Variants in TM7SF3 observed in about 807,000 individuals in gnomAD.
TM7SF3 encodes the protein transmembrane 7 superfamily member 3.
TM7SF3 carries 60 observed loss-of-function variants against 65.5 expected under a neutral mutation model. The ratio of observed to expected loss-of-function variants is 0.92; its 90% CI spans 0.74 to 1.14. TM7SF3 has a LOEUF of 1.14. TM7SF3 is among the 50% of genes most tolerant of loss of function. The probability of loss-of-function intolerance (pLI) is 0.00; values close to 1 mark genes in which losing one functional copy is unlikely to be tolerated. For missense variants in TM7SF3, 623 were observed against 684.8 expected, an observed-to-expected ratio of 0.91 and a Z score of 1.01; for synonymous variants, 264 against 259.6, an observed-to-expected ratio of 1.02 and a Z score of -0.16.
At chr12:26,990,394 A>G in intron 6 of TM7SF3, 56 bp downstream of exon 6, 1 of 1,331,996 alleles carries the variant, frequency 7.5e-7, no homozygotes, top group Non-Finnish European at 1.1e-6. Flanking sequence ...ACTAGACAAA[A>G]GCATTATCTG....
intron 1 of TM7SF3, among the ~76,000 whole-genome samples, chr12:27,004,219 C>G (rs1227800019): frequency 6.6e-6 from 1 of 152,108 alleles, no homozygotes; most frequent in African/African-American, 2.4e-5. Context: ...TTCAATCTAA[C>G]TCTCAAATAA....
rs772440936 is a variant in TM7SF3 at position 26,979,889 on chromosome 12, A to T, written c.1084T>A (p.Leu362Met). 41 of 1,614,082 alleles carry T rather than the reference A, an allele frequency of 2.5e-5. 1 individual carries two copies. In the South Asian group the frequency reaches 4.3e-4, roughly 17 times the overall value. The change falls in exon 9 of 12, where the codon TTG (leucine) becomes ATG (methionine). Residue 362 changes from leucine to methionine, a missense_variant. Physicochemically the swap from Leu to Met is conservative, Grantham distance 15. Coordinates refer to ENST00000343028, the MANE Select transcript of TM7SF3 (RefSeq NM_016551.3). ...CCAAATCGCCACCACACAGCTACCA[A>T]GAACATTCCACCGACGCTTCCAGTG... is the stretch of plus-strand genomic sequence containing the variant. ...AVTGSVGGMF[L>M]VAVWWRFGIL...
chr12:27,008,428 T>G (rs753239323), intron 1 of TM7SF3, among the ~76,000 whole-genome samples: 1 of 152,192 alleles, frequency 6.6e-6, no homozygotes, highest in Non-Finnish European at 1.5e-5. Context: ...ATCATAGATA[T>G]GAGTATTCTG....
chr12:26,978,266 A>T (rs1939658594), intron 9 of TM7SF3: 1 of 181,326 alleles, frequency 5.5e-6, no homozygotes, highest in African/African-American at 2.4e-5. Flanking sequence ...ACTGCTCTAG[A>T]CTACTTTATA....
intron 10 of TM7SF3, 73 bp from the exon 11 acceptor site, chr12:26,975,731 C>CA: frequency 7.0e-7 from 1 of 1,437,740 alleles, no homozygotes; most frequent in Non-Finnish European, 9.5e-7. Context: ...CCACTGGCTT[C>CA]AATCACAGGC....
At chr12:26,980,154 G>C (rs1939753848) in intron 8 of TM7SF3, 1 of 595,134 alleles carries the variant, frequency 1.7e-6, no homozygotes, top group South Asian at 2.1e-5. Context: ...ACCTCACAGG[G>C]CCAGTGACAG....
chr12:27,013,155 T>TA (rs1268775153), intron 1 of TM7SF3: 1 of 170,106 alleles, frequency 5.9e-6, no homozygotes, highest in African/African-American at 2.4e-5. Context: ...TACTCTCTAT[T>TA]AAATTGTTAT....
intron 6 of TM7SF3, among the ~76,000 whole-genome samples, chr12:26,983,235 G>C (rs1212525351): frequency 1.3e-5 from 2 of 150,198 alleles, no homozygotes; most frequent in African/African-American, 4.9e-5. Flanking sequence ...GGGAGTGGGG[G>C]GGAGGTGGTG....
At chr12:27,010,858 G>A (rs761872521) in intron 1 of TM7SF3, among the ~76,000 whole-genome samples, 4 of 152,066 alleles carry the variant, frequency 2.6e-5, no homozygotes, top group Non-Finnish European at 5.9e-5. Flanking sequence ...ACTTTAAAAA[G>A]AGCTGCCCAA....
chr12:26,996,769 A>T lies in TM7SF3; in HGVS notation c.491T>A (p.Phe164Tyr). 1 of 1,613,484 alleles carries T rather than the reference A, an allele frequency of 6.2e-7. No individual in the cohort carries two copies. Among genetic ancestry groups the T allele is most frequent in the Non-Finnish European group, 8.5e-7 (1 of 1,179,816 alleles). ...CGCATAGCCTAGGTTTGCTGGGGCA[A>T]ACTTGATAGTCGTTTCAAAGAAATT... ...EYNFFETTIK[F>Y]APANLGYARG... is the part of the protein sequence containing the mutation. Residue 164 changes from phenylalanine to tyrosine, a missense_variant, in exon 4 of 12, where the codon TTT (phenylalanine) becomes TAT (tyrosine). Phe to Tyr is a conservative substitution (Grantham distance 22). Coordinates refer to ENST00000343028, the MANE Select transcript of TM7SF3 (RefSeq NM_016551.3).
At position 26,973,349 on chromosome 12, in the gene TM7SF3, T is replaced by G. The variant is rs1175988145; in HGVS notation, c.*616A>C. ...CCACCATGCCTGGCTAATTTTTTAA[T>G]TTTTTTGTAGAGATGGGGTCTTGTC... On this transcript the variant is annotated 3_prime_UTR_variant, in exon 12 of 12. Coordinates refer to ENST00000343028, the MANE Select transcript of TM7SF3 (RefSeq NM_016551.3). 2 of 152,100 alleles carry G rather than the reference T, an allele frequency of 1.3e-5. No homozygotes were observed. The highest frequency in any genetic ancestry group is 4.8e-5 in the African/African-American group (2 of 41,382). 9.4% of individuals were successfully genotyped at this position (152,100 alleles called of 1,614,324 possible).
At chr12:26,999,418 T>C (rs1940738426) in intron 3 of TM7SF3, 108 bp downstream of exon 3, 3 of 1,224,326 alleles carry the variant, frequency 2.5e-6, no homozygotes, top group Non-Finnish European at 3.4e-6. Context: ...TCCGATTATA[T>C]AAATTATACT....
chr12:26,989,566 T>C (rs1940253071), intron 6 of TM7SF3, among the ~76,000 whole-genome samples: 1 of 152,140 alleles, frequency 6.6e-6, no homozygotes, highest in Admixed American at 6.6e-5. Context: ...GCAAATAGCC[T>C]AATACATTAA....
chr12:27,012,282 G>T (rs1383393394), intron 1 of TM7SF3, among the ~76,000 whole-genome samples: 1 of 152,028 alleles, frequency 6.6e-6, no homozygotes, highest in Non-Finnish European at 1.5e-5. Context: ...GGGTGGTGGG[G>T]ATTAAATAAC....
Position 27,014,233 on chromosome 12 carries a change from C to A in TM7SF3, c.-65G>T, listed in dbSNP as rs577039852. 3,692 of 1,484,126 alleles carry A rather than the reference C, an allele frequency of 2.5e-3. 21 individuals are homozygous for A. Among genetic ancestry groups the A allele is most frequent in the South Asian group, 0.012 (957 of 80,914 alleles). The allele number at this position is 1,484,126 out of a possible 1,614,324, so 91.9% of individuals were successfully genotyped here. ...AGAGGTGCGGGCGTGCGCGCCGGGG[C>A]CCCGCAGCCTCGCCCACGCTATCCC... On this transcript the variant is annotated 5_prime_UTR_variant, in exon 1 of 12. Transcript: ENST00000343028.
At chr12:26,979,157 T>C (rs1039875045) in intron 9 of TM7SF3, 3 of 152,274 alleles carry the variant, frequency 2.0e-5, no homozygotes, top group African/African-American at 7.2e-5. Flanking sequence ...TTTAAGAACA[T>C]TGTCACAGAA....
At chr12:26,984,089 A>C (rs980058085) in intron 6 of TM7SF3, among the ~76,000 whole-genome samples, 1 of 152,224 alleles carries the variant, frequency 6.6e-6, no homozygotes, top group Non-Finnish European at 1.5e-5. Context: ...CACAGGGGAT[A>C]TAATACCTAA....
intron 1 of TM7SF3, among the ~76,000 whole-genome samples, chr12:27,004,624 C>G (rs546030115): frequency 6.6e-6 from 1 of 151,000 alleles, no homozygotes; most frequent in African/African-American, 2.4e-5. Context: ...CCAAACAGAA[C>G]CAAAAAAATC....
intron 6 of TM7SF3, among the ~76,000 whole-genome samples, chr12:26,985,621 C>CAAAA (rs544145636): frequency 1.5e-4 from 9 of 61,058 alleles, no homozygotes; most frequent in Admixed American, 2.8e-4. Context: ...GTGAGACTGT[C>CAAAA]AAAAAAAAAA....
Sources: gnomAD v4.1 joint callset for allele counts (sites outside exome capture counted in the v4.1 genomes callset) on GRCh38, gnomAD v4.1.1 for gene constraint, MANE v1.5 for transcripts, NCBI Gene and HGNC (gene_info 2026-07-23, HGNC 2026-07-21) for gene names.